The following GNAI1 variants were observed in gnomAD, a reference collection of about 807,000 sequenced individuals.
GNAI1 encodes the protein G protein subunit alpha i1, also known as guanine nucleotide-binding protein G(i) subunit alpha-1.
A neutral mutation model predicts 38.9 loss-of-function variants in GNAI1; 11 were observed. That is an observed-to-expected ratio of 0.28 (90% CI 0.18 to 0.47). GNAI1 has a LOEUF of 0.47. GNAI1 is among the 20% of genes least tolerant of loss of function. GNAI1 has a pLI of 0.99. For synonymous variants in GNAI1, 166 were observed against 145.1 expected (o/e 1.14, Z -1.04); for missense variants, 317 against 436.9 (o/e 0.73, Z 2.45).
chr7:80,198,302 T>G (rs983820059), intron 3 of GNAI1, among the ~76,000 whole-genome samples: 1 of 152,058 alleles, frequency 6.6e-6, no homozygotes, highest in Non-Finnish European at 1.5e-5. Context: ...TTTTTATACA[T>G]AGGTTAAGTA....
chr7:80,179,000 G>A (rs188438958), intron 1 of GNAI1, among the ~76,000 whole-genome samples: 88 of 152,244 alleles, frequency 5.8e-4, no homozygotes, highest in African/African-American at 2.0e-3. Flanking sequence ...TTCAACAAAA[G>A]TGTAATGTAT....
intron 1 of GNAI1, among the ~76,000 whole-genome samples, chr7:80,176,042 T>G (rs1453987063): frequency 6.6e-6 from 1 of 152,252 alleles, no homozygotes; most frequent in Admixed American, 6.5e-5. Context: ...TGAGATAGGC[T>G]GAATGCTAGT....
intron 1 of GNAI1, among the ~76,000 whole-genome samples, chr7:80,181,202 T>C (rs1429555280): frequency 6.6e-6 from 1 of 152,142 alleles, no homozygotes; most frequent in Admixed American, 6.5e-5. Flanking sequence ...ATGACACCAC[T>C]CTCATGGGCC....
chr7:80,162,902 G>A (rs1004543950), intron 1 of GNAI1, among the ~76,000 whole-genome samples: 1 of 152,186 alleles, frequency 6.6e-6, no homozygotes, highest in African/African-American at 2.4e-5. Flanking sequence ...ATATTGATAG[G>A]TTTCTGCTCT....
At chr7:80,184,266 C>T (rs959177547) in intron 1 of GNAI1, among the ~76,000 whole-genome samples, 5 of 152,096 alleles carry the variant, frequency 3.3e-5, no homozygotes, top group Non-Finnish European at 7.4e-5. Flanking sequence ...GGAAGGAACG[C>T]GCACCTGGAA....
chr7:80,152,983 G>A (rs1389471152), intron 1 of GNAI1, among the ~76,000 whole-genome samples: 1 of 151,532 alleles, frequency 6.6e-6, no homozygotes, highest in Non-Finnish European at 1.5e-5. Flanking sequence ...CTGAATCTTT[G>A]AACAGAGAGT....
chr7:80,154,014 T>G (rs1787773352), intron 1 of GNAI1, among the ~76,000 whole-genome samples: 1 of 152,136 alleles, frequency 6.6e-6, no homozygotes, highest in African/African-American at 2.4e-5. Context: ...CCTCGACTTC[T>G]CAGGCTCAAG....
At chr7:80,198,694 T>G (rs796143110) in intron 3 of GNAI1, among the ~76,000 whole-genome samples, 2 of 152,158 alleles carry the variant, frequency 1.3e-5, no homozygotes, top group East Asian at 1.9e-4. Context: ...CTCAGACCAT[T>G]ACATGAAATT....
intron 1 of GNAI1, among the ~76,000 whole-genome samples, chr7:80,173,459 G>T (rs1031698116): frequency 6.6e-6 from 1 of 152,096 alleles, no homozygotes; most frequent in Non-Finnish European, 1.5e-5. Context: ...ACTAGAGAAT[G>T]TCCCAAAACT....
chr7:80,221,621 T>TAGGTTGGA lies in GNAI1; in HGVS notation c.*4130_*4137dup, dbSNP rs1247699184. Among the ~76,000 whole-genome samples the TAGGTTGGA allele has an allele frequency of 1.3e-5, 2 of 148,848 alleles. No individual in the cohort carries two copies. The highest frequency in any genetic ancestry group is 3.0e-5 in the Non-Finnish European group (2 of 67,632). On this transcript the variant is annotated 3_prime_UTR_variant, in exon 8 of 8. Coordinates refer to ENST00000649796, the MANE Select transcript of GNAI1 (RefSeq NM_002069.6). ...TATGAGAGAGTTTATATTTTAATGT[T>TAGGTTGGA]AGGTTGGAAATTTTCTTTTTTTTTT...
chr7:80,165,254 T>C (rs533699825), intron 1 of GNAI1, among the ~76,000 whole-genome samples: 1 of 152,292 alleles, frequency 6.6e-6, no homozygotes, highest in Admixed American at 6.5e-5. Context: ...TGTACAGTGC[T>C]CCCAAAGGCT....
intron 1 of GNAI1, among the ~76,000 whole-genome samples, chr7:80,171,923 TC>T (rs1200150249): frequency 3.3e-5 from 5 of 152,322 alleles, no homozygotes; most frequent in African/African-American, 1.2e-4. Flanking sequence ...TGTGTGCCCT[TC>T]CTGGAAAAAT....
intron 3 of GNAI1, among the ~76,000 whole-genome samples, chr7:80,194,325 T>C (rs1788531770): frequency 6.6e-6 from 1 of 152,204 alleles, no homozygotes; most frequent in South Asian, 2.1e-4. Context: ...ACTTGGAATC[T>C]TGGTGTTTTG....
At chr7:80,192,096 C>T (rs1453114927) in intron 3 of GNAI1, among the ~76,000 whole-genome samples, 2 of 152,118 alleles carry the variant, frequency 1.3e-5, no homozygotes, top group African/African-American at 2.4e-5. Flanking sequence ...TTAATCCTTC[C>T]TTGCATATTG....
chr7:80,201,646 C>T (rs1232163261), intron 4 of GNAI1, among the ~76,000 whole-genome samples: 1 of 152,012 alleles, frequency 6.6e-6, no homozygotes, highest in African/African-American at 2.4e-5. Context: ...ATCACCCAAG[C>T]CCAGAAGGTT....
At chr7:80,147,757 T>G (rs111537273) in intron 1 of GNAI1, among the ~76,000 whole-genome samples, 1 of 152,184 alleles carries the variant, frequency 6.6e-6, no homozygotes, top group East Asian at 1.9e-4. Flanking sequence ...AATTGCAAAA[T>G]AAGAACTATT....
intron 7 of GNAI1, 102 bp from the exon 8 acceptor site, chr7:80,217,201 T>G: frequency 1.4e-6 from 1 of 704,714 alleles, no homozygotes; most frequent in Non-Finnish European, 2.3e-6. Flanking sequence ...AATGAAACTG[T>G]ATGAAACTGA....
chr7:80,178,445 T>C (rs1788231430), intron 1 of GNAI1, among the ~76,000 whole-genome samples: 1 of 152,158 alleles, frequency 6.6e-6, no homozygotes, highest in South Asian at 2.1e-4. Context: ...AGTCAGTCAG[T>C]GCAGCAGACT....
intron 1 of GNAI1, among the ~76,000 whole-genome samples, chr7:80,186,055 C>T (rs1335535100): frequency 3.4e-5 from 4 of 117,986 alleles, no homozygotes; most frequent in Non-Finnish European, 5.0e-5. Flanking sequence ...TTTTTTGAGA[C>T]GGAGTCTCAC....
Sources: gnomAD v4.1 joint callset for allele counts (sites outside exome capture counted in the v4.1 genomes callset) on GRCh38, gnomAD v4.1.1 for gene constraint, MANE v1.5 for transcripts, NCBI Gene and HGNC (gene_info 2026-07-23, HGNC 2026-07-21) for gene names.